The following MX1 variants were observed in gnomAD, a reference collection of about 807,000 sequenced individuals.
The protein encoded by MX1 is MX dynamin like GTPase 1.
A neutral mutation model predicts 66.4 loss-of-function variants in MX1; 66 were observed. The ratio of observed to expected loss-of-function variants is 0.99; its 90% confidence interval spans 0.82 to 1.22. The LOEUF (loss-of-function observed/expected upper bound fraction) is 1.22. Among genes scored for constraint, MX1 ranks in the 50% most tolerant of loss-of-function variants. The pLI, the probability that MX1 is intolerant of heterozygous loss-of-function variation, is 0.00. For missense variants in MX1, 787 were observed against 834.3 expected (o/e 0.94, Z 0.70); for synonymous variants, 311 against 318.1 (o/e 0.98, Z 0.24).
At chr21:41,425,953 G>T (rs185730973), upstream of MX1, 278 of 152,898 alleles carry the variant, frequency 1.8e-3, no homozygotes, top group Admixed American at 2.7e-3. Flanking sequence ...TCAAGGATAC[G>T]TGCAGGCTTG....
At chr21:41,455,437 C>A (rs2090935481) in intron 16 of MX1, among the ~76,000 whole-genome samples, 1 of 152,186 alleles carries the variant, frequency 6.6e-6, no homozygotes, top group Admixed American at 6.5e-5. Context: ...TGAACAGTTA[C>A]CTTGAGAGTA....
chr21:41,435,881 C>T lies in MX1; in HGVS notation c.150C>T (p.Arg50=), dbSNP rs2090344876. 6.2e-7 allele frequency: 1 copy of T among 1,614,138 alleles called. No homozygotes were observed. The highest frequency in any genetic ancestry group is 8.5e-7 in the Non-Finnish European group (1 of 1,179,974). The change falls in exon 6 of 17, where the codon CGC becomes CGT. Residue 50 remains arginine, a synonymous_variant. Coordinates refer to ENST00000398598, the MANE Select transcript of MX1 (RefSeq NM_002462.5). ...GCAGCCAGTATGAGGAGAAGGTGCG[C>T]CCCTGCATCGACCTCATTGACTCCC... ...NLCSQYEEKV[R]PCIDLIDSLR...
intron 11 of MX1, 134 bp from the exon 12 acceptor site, chr21:41,445,314 A>G: frequency 9.0e-7 from 1 of 1,113,892 alleles, no homozygotes; most frequent in Non-Finnish European, 1.3e-6. Flanking sequence ...CCGGGTCTGG[A>G]AAAGCTTCCT....
At chr21:41,426,692 A>AT (rs1466512584) in intron 1 of MX1, 2 of 152,208 alleles carry the variant, frequency 1.3e-5, no homozygotes, top group African/African-American at 2.4e-5. Flanking sequence ...GTCGACTTCT[A>AT]TTTCCTGGGA....
At chr21:41,445,850 TG>T in intron 12 of MX1, 149 bp from the exon 13 acceptor site, 1 of 1,043,498 alleles carries the variant, frequency 9.6e-7, no homozygotes, top group East Asian at 2.6e-5. Flanking sequence ...GATTTTCTAG[TG>T]CCAAAACCTC....
At chr21:41,448,451 A>G (rs1018484886) in intron 13 of MX1, among the ~76,000 whole-genome samples, 10 of 152,172 alleles carry the variant, frequency 6.6e-5, no homozygotes, top group Admixed American at 1.3e-4. Context: ...GTATTATGGT[A>G]CAATTTCTTT....
At chr21:41,439,958 A>G (rs1203408257) in intron 8 of MX1, 110 bp downstream of exon 8, 4 of 1,181,196 alleles carry the variant, frequency 3.4e-6, no homozygotes, top group Non-Finnish European at 4.7e-6. Context: ...TCCAGAGCTG[A>G]GTTTTGGAGT....
rs752039545 is a variant in MX1 at position 41,437,085 on chromosome 21, G to A, written c.369G>A (p.Lys123=). ...KLVNEDKWRG[K]VSYQDYEIEI... ...TGAACGAAGATAAGTGGAGAGGCAA[G>A]GTCAGTTACCAGGACTACGAGATTG... The change falls in exon 7 of 17, where the codon AAG becomes AAA. Residue 123 remains lysine (K), a synonymous_variant. Coordinates refer to ENST00000398598, the MANE Select transcript of MX1 (RefSeq NM_002462.5). 5 of 1,614,014 alleles carry A rather than the reference G, an allele frequency of 3.1e-6. No individual in the cohort carries two copies. Among genetic ancestry groups the A allele is most frequent in the East Asian group, 2.2e-5 (1 of 44,880 alleles).
At chr21:41,444,690 C>T (rs2090613561) in intron 11 of MX1, among the ~76,000 whole-genome samples, 1 of 152,118 alleles carries the variant, frequency 6.6e-6, no homozygotes, top group African/African-American at 2.4e-5. Context: ...GAGGATGCTT[C>T]CTTATTAGAT....
At chr21:41,432,612 T>C (rs2090252058) in intron 5 of MX1, among the ~76,000 whole-genome samples, 2 of 152,258 alleles carry the variant, frequency 1.3e-5, no homozygotes, top group African/African-American at 4.8e-5. Flanking sequence ...GAACCAATCA[T>C]GGCCCCTGGA....
At chr21:41,430,781 C>T (rs555714522) in intron 4 of MX1, among the ~76,000 whole-genome samples, 173 bp downstream of exon 4, 2 of 152,074 alleles carry the variant, frequency 1.3e-5, no homozygotes, top group African/African-American at 2.4e-5. Context: ...GTAATGCAGA[C>T]AAGTATAAGG....
At chr21:41,445,338 A>G (rs2090631102) in intron 11 of MX1, 110 bp from the exon 12 acceptor site, 1 of 1,315,408 alleles carries the variant, frequency 7.6e-7, no homozygotes, top group Non-Finnish European at 1.1e-6. Context: ...AGAGGAAGCC[A>G]GGAAGTCAAA....
chr21:41,452,894 G>T, intron 16 of MX1, 25 bp downstream of exon 16: 2 of 1,608,808 alleles, frequency 1.2e-6, no homozygotes, highest in South Asian at 1.1e-5. Flanking sequence ...GGTTCAGGAT[G>T]CCAGCTTCCA....
intron 11 of MX1, among the ~76,000 whole-genome samples, chr21:41,444,694 A>T (rs547544352): frequency 1.3e-4 from 20 of 152,148 alleles, no homozygotes; most frequent in African/African-American, 4.3e-4. Context: ...ATGCTTCCTT[A>T]TTAGATTCCC....
rs554212444 is a variant in MX1 at position 41,432,644 on chromosome 21, C to T, written c.105+469C>T. ...TGGAATCAGTCCAACCTCAGTTGGT[C>T]CCGACGCTGACACTCTCAGCTGTGT... is the stretch of plus-strand genomic sequence containing the variant. On this transcript the variant is annotated intron_variant, in intron 5 of 16. Transcript: ENST00000398598. Among the ~76,000 whole-genome samples, 19 of 152,282 alleles carry T rather than the reference C, an allele frequency of 1.2e-4. No individual in the cohort carries two copies. In the South Asian group the frequency reaches 3.9e-3, roughly 32 times the overall value.
chr21:41,435,005 T>G (rs1478053644), intron 5 of MX1, among the ~76,000 whole-genome samples: 2 of 152,236 alleles, frequency 1.3e-5, no homozygotes, highest in Admixed American at 1.3e-4. Flanking sequence ...AGTCTTTGTT[T>G]TGCCTTCATT....
chr21:41,424,949 C>T (rs1014830278), upstream of MX1, among the ~76,000 whole-genome samples: 3 of 152,174 alleles, frequency 2.0e-5, no homozygotes, highest in African/African-American at 7.2e-5. Flanking sequence ...AGGAAACTGG[C>T]AATTCAGTTA....
intron 15 of MX1, among the ~76,000 whole-genome samples, chr21:41,451,765 G>C (rs1050356729): frequency 6.6e-6 from 1 of 151,074 alleles, no homozygotes; most frequent in South Asian, 2.1e-4. Flanking sequence ...AGCCCAGGAG[G>C]TGGAAGTTGC....
At position 41,439,924 on chromosome 21, in the gene MX1, G is replaced by GT; in HGVS notation, c.591+77dup. Reference sequence around the variant, plus strand: ...GTGGAGGGGTGGGAGGAGAAAGAGGGTACTGTATTAGAGTAACCGTGAGTC... The same window carrying GT: ...GTGGAGGGGTGGGAGGAGAAAGAGGGTTACTGTATTAGAGTAACCGTGAGTC... On this transcript the variant is annotated intron_variant, in intron 8 of 16. Transcript: ENST00000398598. 5 of 1,479,608 alleles carry GT rather than the reference G, an allele frequency of 3.4e-6. No homozygotes were observed. The South Asian group carries it at 6.0e-5, about 18-fold the overall frequency. The allele number at this position is 1,479,608 out of a possible 1,614,324, so 91.7% of individuals were successfully genotyped here.
Sources: gnomAD v4.1 joint callset for allele counts (sites outside exome capture counted in the v4.1 genomes callset) on GRCh38, gnomAD v4.1.1 for gene constraint, MANE v1.5 for transcripts, NCBI Gene and HGNC (gene_info 2026-07-23, HGNC 2026-07-21) for gene names.